NPM1: variants seen among roughly 807,000 people sequenced by gnomAD.
NPM1 encodes nucleophosmin 1.
In NPM1, 1 loss-of-function variant was observed where a neutral mutation model predicts 44.1. That is an observed-to-expected ratio of 0.02 (90% CI 0.01 to 0.11). The LOEUF is 0.11. Ranked by LOEUF, NPM1 falls within the 10% of genes least tolerant of loss-of-function variation. NPM1 has a pLI of 1.00. For missense variants in NPM1, 197 were observed against 347.8 expected, an observed-to-expected ratio of 0.57 and a Z score of 3.45; for synonymous variants, 126 against 111.8, an observed-to-expected ratio of 1.13 and a Z score of -0.80.
chr5:171,409,797 A>G (rs1350058649), intron 10 of NPM1, among the ~76,000 whole-genome samples: 1 of 147,102 alleles, frequency 6.8e-6, no homozygotes, highest in Non-Finnish European at 1.5e-5. Flanking sequence ...ATGAGCCACC[A>G]TGCCTGGCCA....
At chr5:171,391,946 A>C in intron 4 of NPM1, 147 bp downstream of exon 4, 4 of 434,506 alleles carry the variant, frequency 9.2e-6, no homozygotes, top group East Asian at 4.2e-5. Flanking sequence ...AGGACAAATA[A>C]ATTTTTGGGG....
chr5:171,388,444 A>G (rs2113145955), intron 1 of NPM1, among the ~76,000 whole-genome samples: 1 of 152,174 alleles, frequency 6.6e-6, no homozygotes, highest in Non-Finnish European at 1.5e-5. Context: ...GAGCGGGTAG[A>G]TGCACAGCCT....
intron 6 of NPM1, among the ~76,000 whole-genome samples, chr5:171,395,111 T>G (rs1770813564): frequency 6.6e-6 from 1 of 152,078 alleles, no homozygotes; most frequent in South Asian, 2.1e-4. Flanking sequence ...ACCTGGGAGG[T>G]GGAGGTTGCA....
At chr5:171,389,537 G>A (rs12658147) in intron 1 of NPM1, among the ~76,000 whole-genome samples, 5,307 of 152,216 alleles carry the variant, frequency 0.035, 223 homozygotes, top group African/African-American at 0.093. Context: ...ATAGTTTGAG[G>A]CGTATGTCAC....
intron 2 of NPM1, 86 bp downstream of exon 2, chr5:171,390,216 C>A (rs1218031578): frequency 1.4e-6 from 1 of 694,122 alleles, no homozygotes; most frequent in Non-Finnish European, 2.4e-6. Context: ...ACTTTTTTTC[C>A]TTTGCTGACT....
chr5:171,407,397 G>GA (rs1482678109), intron 9 of NPM1: 1 of 343,736 alleles, frequency 2.9e-6, no homozygotes, highest in Non-Finnish European at 5.2e-6. Flanking sequence ...AGATAATTTA[G>GA]ATAAGCAACC....
chr5:171,410,837 G>C lies in NPM1; in HGVS notation c.*272G>C. Reference sequence around the variant, plus strand: ...GGTGGTCAGACATGGAAATGGTGGGGAGACAAAAATATACATGTGAAATAA... The same window carrying C: ...GGTGGTCAGACATGGAAATGGTGGGCAGACAAAAATATACATGTGAAATAA... On this transcript the variant is annotated 3_prime_UTR_variant, in exon 11 of 11. Transcript: ENST00000296930. 6.1e-6 allele frequency: 2 copies of C among 327,068 alleles called. No homozygotes were observed. The highest frequency in any genetic ancestry group is 2.1e-5 in the African/African-American group (1 of 47,344). The allele number at this position is 327,068 out of a possible 1,614,324, so 20.3% of individuals were successfully genotyped here.
At chr5:171,400,808 G>A (rs755927905) in intron 7 of NPM1, 31 bp from the exon 8 acceptor site, 2 of 1,407,730 alleles carry the variant, frequency 1.4e-6, no homozygotes, top group South Asian at 1.2e-5. Flanking sequence ...TGGGGTCAGG[G>A]ACAGTGATTA....
intron 1 of NPM1, among the ~76,000 whole-genome samples, chr5:171,389,395 C>T (rs1770452383): frequency 6.6e-6 from 1 of 152,226 alleles, no homozygotes; most frequent in African/African-American, 2.4e-5. Context: ...TGAGAGTAGA[C>T]ATATGTATTC....
chr5:171,392,570 C>A (rs953138646), intron 4 of NPM1, 140 bp from the exon 5 acceptor site: 2 of 550,640 alleles, frequency 3.6e-6, no homozygotes, highest in Non-Finnish European at 6.0e-6. Context: ...TTAAAAAGTT[C>A]CTTTTCCCAT....
chr5:171,392,998 CTT>C lies in NPM1; in HGVS notation c.524+21_524+22del, dbSNP rs1770667050. ...TGAAGAGTAAGTATGATTTTAGAAACTTGATATACTTCCGGAATCTTGACAAA... is the reference window on the plus strand; with the variant it reads ...TGAAGAGTAAGTATGATTTTAGAAACGATATACTTCCGGAATCTTGACAAA... On this transcript the variant is annotated intron_variant, in intron 6 of 10. Transcript: ENST00000296930. The C allele has an allele frequency of 6.2e-7, 1 of 1,603,250 alleles. No individual in the cohort carries two copies. The highest frequency in any genetic ancestry group is 8.5e-7 in the Non-Finnish European group (1 of 1,172,392).
chr5:171,393,588 T>C (rs1770709665), intron 6 of NPM1, among the ~76,000 whole-genome samples: 1 of 151,846 alleles, frequency 6.6e-6, no homozygotes, highest in Non-Finnish European at 1.5e-5. Context: ...CTGTTTATAA[T>C]TGGTCTTATG....
chr5:171,389,403 T>C (rs1247749266), intron 1 of NPM1, among the ~76,000 whole-genome samples: 1 of 152,242 alleles, frequency 6.6e-6, no homozygotes, highest in African/African-American at 2.4e-5. Context: ...GACATATGTA[T>C]TCAAAACATT....
chr5:171,402,588 GAATC>G (rs1010784694), intron 8 of NPM1, among the ~76,000 whole-genome samples: 1 of 140,912 alleles, frequency 7.1e-6, no homozygotes, highest in African/African-American at 2.7e-5. Flanking sequence ...CAAAGACATG[GAATC>G]AACCTAATAC....
At chr5:171,394,741 CCTTTGTA>C (rs1233502575) in intron 6 of NPM1, among the ~76,000 whole-genome samples, 1 of 152,150 alleles carries the variant, frequency 6.6e-6, no homozygotes, top group Non-Finnish European at 1.5e-5. Context: ...TTTTGAGTTA[CCTTTGTA>C]CAAGTTTATA....
At chr5:171,400,610 C>T (rs1771145897) in intron 7 of NPM1, among the ~76,000 whole-genome samples, 1 of 151,880 alleles carries the variant, frequency 6.6e-6, no homozygotes, top group Non-Finnish European at 1.5e-5. Context: ...ACTCATGCCA[C>T]CACACCCAGC....
intron 10 of NPM1, among the ~76,000 whole-genome samples, chr5:171,408,205 A>G (rs1771665611): frequency 6.6e-6 from 1 of 151,578 alleles, no homozygotes; most frequent in Non-Finnish European, 1.5e-5. Flanking sequence ...TCATCCTAAC[A>G]TGAAATCTGG....
intron 9 of NPM1, chr5:171,406,763 A>G: frequency 1.9e-6 from 2 of 1,059,192 alleles, no homozygotes; most frequent in Non-Finnish European, 1.2e-6. Context: ...TGAAATGGAA[A>G]TTGTGAGGTT....
chr5:171,392,607 T>A, intron 4 of NPM1, 103 bp from the exon 5 acceptor site: 4 of 532,782 alleles, frequency 7.5e-6, no homozygotes, highest in Non-Finnish European at 1.2e-5. Context: ...TTTTTTTAAA[T>A]AGAATAGAAG....
Sources: allele counts gnomAD v4.1 joint callset (sites outside exome capture counted in the v4.1 genomes callset), GRCh38; gene constraint gnomAD v4.1.1; transcripts MANE v1.5; gene names NCBI Gene and HGNC (gene_info 2026-07-23, HGNC 2026-07-21).